The following VNN1 variants were observed in gnomAD, a reference collection of about 807,000 sequenced individuals.
The protein encoded by VNN1 is pantetheinase.
VNN1 carries 29 observed loss-of-function variants against 41.9 expected under a neutral mutation model. That is an observed-to-expected ratio of 0.69 (90% CI 0.52 to 0.94). The LOEUF (loss-of-function observed/expected upper bound fraction) is 0.94, where lower values mean the gene tolerates loss of function less well. Ranked by LOEUF, VNN1 falls within the 40% of genes least tolerant of loss-of-function variation. The pLI is 0.00. For missense variants in VNN1, 637 were observed against 621.1 expected, an observed-to-expected ratio of 1.03 and a Z score of -0.27; for synonymous variants, 233 against 224.4, an observed-to-expected ratio of 1.04 and a Z score of -0.34.
chr6:132,687,315 G>A (rs73559729), intron 5 of VNN1, among the ~76,000 whole-genome samples: 4,233 of 152,302 alleles, frequency 0.028, 191 homozygotes, highest in African/African-American at 0.097. Context: ...AGGAAAGGCA[G>A]TTTCAGACCA....
At chr6:132,705,197 C>A (rs1252613230) in intron 2 of VNN1, among the ~76,000 whole-genome samples, 1 of 151,854 alleles carries the variant, frequency 6.6e-6, no homozygotes, top group Admixed American at 6.6e-5. Context: ...TATACTATAC[C>A]AAAACCAGGC....
intron 2 of VNN1, among the ~76,000 whole-genome samples, chr6:132,703,406 TG>T (rs896230846): frequency 6.6e-6 from 1 of 152,090 alleles, no homozygotes; most frequent in African/African-American, 2.4e-5. Flanking sequence ...ATTAAAAGTA[TG>T]GGGGATGAAG....
At chr6:132,710,110 A>G (rs1308039419) in intron 2 of VNN1, among the ~76,000 whole-genome samples, 1 of 151,868 alleles carries the variant, frequency 6.6e-6, no homozygotes, top group Non-Finnish European at 1.5e-5. Flanking sequence ...GTGCAGTGTC[A>G]CTCTCTTGGC....
intron 1 of VNN1, among the ~76,000 whole-genome samples, chr6:132,713,539 C>T (rs1778632469): frequency 6.6e-6 from 1 of 152,178 alleles, no homozygotes; most frequent in South Asian, 2.1e-4. Context: ...CCATCTGTAC[C>T]AGAAAAGGGG....
At chr6:132,708,110 C>A (rs73546608) in intron 2 of VNN1, among the ~76,000 whole-genome samples, 18,454 of 152,110 alleles carry the variant, frequency 0.12, 1,616 homozygotes, top group South Asian at 0.23. Flanking sequence ...TTAACAAAAA[C>A]AGTTGAATAA....
chr6:132,690,395 C>T (rs562946306), intron 5 of VNN1, among the ~76,000 whole-genome samples: 6 of 152,306 alleles, frequency 3.9e-5, no homozygotes, highest in East Asian at 1.9e-4. Flanking sequence ...GCAGACCCTG[C>T]TCCTGCCTGC....
intron 5 of VNN1, among the ~76,000 whole-genome samples, chr6:132,686,494 ATT>A (rs1187134329): frequency 6.6e-6 from 1 of 152,268 alleles, no homozygotes. Flanking sequence ...GAGATCCTGT[ATT>A]TTTATTTCCT....
intron 2 of VNN1, among the ~76,000 whole-genome samples, chr6:132,696,450 T>C (rs952603755): frequency 1.3e-5 from 2 of 151,998 alleles, no homozygotes; most frequent in African/African-American, 2.4e-5. Flanking sequence ...AATATAAAGA[T>C]CCAAGAAGCT....
chr6:132,700,084 C>T (rs546450636), intron 2 of VNN1, among the ~76,000 whole-genome samples: 13 of 152,188 alleles, frequency 8.5e-5, no homozygotes, highest in African/African-American at 3.1e-4. Context: ...CATATGTGAA[C>T]AAATTTGAAA....
rs898148964 is a variant in VNN1 at position 132,684,121 on chromosome 6, T to C, written c.1359+214A>G. On this transcript the variant is annotated intron_variant, in intron 6 of 6. Coordinates refer to ENST00000367928, the MANE Select transcript of VNN1 (RefSeq NM_004666.3). ...TCCCTATAATCCCCAAAATAAGATA[T>C]ATATTTTTTTATTCTGAAGGACACA... is the stretch of plus-strand genomic sequence containing the variant. 5.3e-5 allele frequency among the ~76,000 whole-genome samples: 8 copies of C among 152,224 alleles called. No homozygotes were observed. The East Asian group carries it at 5.8e-4, about 11-fold the overall frequency.
Position 132,695,087 on chromosome 6 carries a change from G to A in VNN1, c.342-905C>T, listed in dbSNP as rs187933980. On this transcript the variant is annotated intron_variant, in intron 2 of 6. Transcript: ENST00000367928. ...GAATTGCTTGATCTTGGGAGGCAGA[G>A]GTTGTGGTGAGCTGAGATCATGCCA... Among the ~76,000 whole-genome samples, 627 of 152,284 alleles carry A rather than the reference G, an allele frequency of 4.1e-3. 8 individuals carry two copies. Among genetic ancestry groups the A allele is most frequent in the African/African-American group, 0.014 (576 of 41,564 alleles).
Position 132,699,209 on chromosome 6 carries a change from T to C in VNN1, c.342-5027A>G, listed in dbSNP as rs184043452. Reference sequence around the variant, plus strand: ...AATGGAAAAGATTGCATTGGAGAAGTTGTAATGTAAAGTGAAAGCTACTAC... The same window carrying C: ...AATGGAAAAGATTGCATTGGAGAAGCTGTAATGTAAAGTGAAAGCTACTAC... On this transcript the variant is annotated intron_variant, in intron 2 of 6. Coordinates refer to ENST00000367928, the MANE Select transcript of VNN1 (RefSeq NM_004666.3). 12 of 346,242 alleles carry C rather than the reference T, an allele frequency of 3.5e-5. No individual in the cohort carries two copies. The Admixed American group carries it at 3.7e-4, about 11-fold the overall frequency. The allele number at this position is 346,242 out of a possible 1,614,324, so 21.4% of individuals were successfully genotyped here.
At chr6:132,694,729 G>A (rs1192247181) in intron 2 of VNN1, among the ~76,000 whole-genome samples, 2 of 152,018 alleles carry the variant, frequency 1.3e-5, no homozygotes, top group African/African-American at 4.8e-5. Flanking sequence ...AGGCATAGTG[G>A]TGTGTGCCTG....
chr6:132,699,175 CT>C, intron 2 of VNN1: 1 of 370,210 alleles, frequency 2.7e-6, no homozygotes, highest in Non-Finnish European at 5.4e-6. Flanking sequence ...CGGTTTCAGA[CT>C]TGATGAGAAT....
chr6:132,690,009 G>C (rs1041004920), intron 5 of VNN1, among the ~76,000 whole-genome samples: 18 of 152,124 alleles, frequency 1.2e-4, no homozygotes, highest in African/African-American at 4.3e-4. Flanking sequence ...CCGTTTTCCT[G>C]TTCCACATCA....
chr6:132,705,893 A>G (rs1258246272), intron 2 of VNN1, among the ~76,000 whole-genome samples: 2 of 152,210 alleles, frequency 1.3e-5, no homozygotes, highest in Non-Finnish European at 2.9e-5. Context: ...AAAGAAATCA[A>G]GAAAGGAATA....
intron 5 of VNN1, among the ~76,000 whole-genome samples, chr6:132,690,201 A>C (rs77933580): frequency 0.045 from 6,834 of 152,260 alleles, 346 homozygotes; most frequent in South Asian, 0.14. Flanking sequence ...ATCTGACCAC[A>C]TCATTCCTTC....
chr6:132,712,348 C>T (rs1778614279), intron 1 of VNN1, among the ~76,000 whole-genome samples: 1 of 152,006 alleles, frequency 6.6e-6, no homozygotes, highest in African/African-American at 2.4e-5. Flanking sequence ...TGGGGTTTCT[C>T]CATATTGGTC....
intron 5 of VNN1, among the ~76,000 whole-genome samples, chr6:132,686,514 G>A (rs941163334): frequency 2.6e-5 from 4 of 152,102 alleles, no homozygotes; most frequent in African/African-American, 4.8e-5. Context: ...CCTAAATTAG[G>A]CAACTGATTC....
Sources: gnomAD v4.1 joint callset for allele counts (sites outside exome capture counted in the v4.1 genomes callset) on GRCh38, gnomAD v4.1.1 for gene constraint, MANE v1.5 for transcripts, NCBI Gene and HGNC (gene_info 2026-07-23, HGNC 2026-07-21) for gene names.